Variants in NLGN1 observed in about 807,000 individuals in gnomAD.
NLGN1 encodes the protein neuroligin 1, also known as neuroligin-1.
A neutral mutation model predicts 65.5 loss-of-function variants in NLGN1; 12 were observed. That is an observed-to-expected ratio of 0.18 (90% CI 0.12 to 0.30). The LOEUF is 0.30. NLGN1 is among the 10% of genes least tolerant of loss of function. The pLI, the probability that NLGN1 is intolerant of heterozygous loss-of-function variation, is 1.00. For synonymous variants in NLGN1, 350 were observed against 359.5 expected, an observed-to-expected ratio of 0.97 and a Z score of 0.30; for missense variants, 750 against 1,007.1, an observed-to-expected ratio of 0.74 and a Z score of 3.46.
chr3:173,603,391 G>A (rs1447647828), intron 2 of NLGN1, among the ~76,000 whole-genome samples: 1 of 151,998 alleles, frequency 6.6e-6, no homozygotes, highest in Non-Finnish European at 1.5e-5. Flanking sequence ...AAGATGCTGT[G>A]ATTAGGTATG....
chr3:174,147,867 A>G (rs980307122), intron 4 of NLGN1, among the ~76,000 whole-genome samples: 1 of 152,216 alleles, frequency 6.6e-6, no homozygotes, highest in Non-Finnish European at 1.5e-5. Context: ...CAAACACTGC[A>G]TATGAATAAT....
At chr3:173,539,708 A>G (rs1738316375) in intron 2 of NLGN1, among the ~76,000 whole-genome samples, 1 of 137,278 alleles carries the variant, frequency 7.3e-6, no homozygotes, top group African/African-American at 2.8e-5. Flanking sequence ...GCACATATAT[A>G]CATATATGTA....
chr3:173,965,420 A>G (rs1579456351), intron 4 of NLGN1, among the ~76,000 whole-genome samples: 2 of 151,076 alleles, frequency 1.3e-5, no homozygotes, highest in East Asian at 2.0e-4. Context: ...CGGGTTCAAG[A>G]GATTCTCATG....
chr3:173,780,268 G>GTTTCTCTC (rs1468972714), intron 3 of NLGN1, among the ~76,000 whole-genome samples: 1 of 152,136 alleles, frequency 6.6e-6, no homozygotes, highest in Non-Finnish European at 1.5e-5. Flanking sequence ...TGATGCATAT[G>GTTTCTCTC]TTTCTCTCTG....
At chr3:174,241,200 T>G (rs1742737728) in intron 4 of NLGN1, among the ~76,000 whole-genome samples, 1 of 152,148 alleles carries the variant, frequency 6.6e-6, no homozygotes, top group African/African-American at 2.4e-5. Flanking sequence ...GCTAGGAAAT[T>G]TTATTATAAC....
At chr3:173,592,345 A>G (rs990682884) in intron 2 of NLGN1, among the ~76,000 whole-genome samples, 3 of 152,224 alleles carry the variant, frequency 2.0e-5, no homozygotes, top group Non-Finnish European at 4.4e-5. Context: ...TAGCAGAAAT[A>G]CTCAGTTTTG....
intron 3 of NLGN1, among the ~76,000 whole-genome samples, chr3:173,659,141 AT>A (rs1182768153): frequency 2.6e-5 from 4 of 151,986 alleles, no homozygotes; most frequent in Non-Finnish European, 5.9e-5. Context: ...CATTAGCATT[AT>A]TGAGAGCAAT....
intron 3 of NLGN1, among the ~76,000 whole-genome samples, chr3:173,697,558 G>A (rs184443732): frequency 4.7e-4 from 72 of 151,680 alleles, no homozygotes; most frequent in Non-Finnish European, 5.7e-4. Context: ...ACTGAGTTTC[G>A]CTCTTGTTGC....
intron 1 of NLGN1, among the ~76,000 whole-genome samples, chr3:173,421,138 T>A (rs1224924396): frequency 2.0e-5 from 3 of 152,148 alleles, no homozygotes; most frequent in Non-Finnish European, 4.4e-5. Context: ...CACTCTTGAT[T>A]TTCAGAATCA....
intron 2 of NLGN1, among the ~76,000 whole-genome samples, chr3:173,490,526 A>G (rs1090946): frequency 0.11 from 16,668 of 152,058 alleles, 992 homozygotes; most frequent in Admixed American, 0.18. Flanking sequence ...GTCAGGTAGC[A>G]TGATGCCTCC....
At chr3:173,959,359 C>G (rs376708805) in intron 4 of NLGN1, among the ~76,000 whole-genome samples, 166 of 152,312 alleles carry the variant, frequency 1.1e-3, no homozygotes, top group African/African-American at 3.8e-3. Context: ...AAACCAGAAG[C>G]AGGAAACACC....
In NLGN1 at chr3:174,276,453, G is replaced by A. The variant is rs1048480894; in HGVS notation, c.859+926G>A. 2.7e-5 allele frequency among the ~76,000 whole-genome samples: 4 copies of A among 150,768 alleles called. 1 individual carries two copies. The highest frequency in any genetic ancestry group is 3.9e-4 in the East Asian group (2 of 5,140). ...AGGAAGACAGATAATATATAAAAAC[G>A]TACACCATCTTTCTTTTAATTTCTG... On this transcript the variant is annotated intron_variant, in intron 5 of 6. Transcript: ENST00000457714.
chr3:173,746,782 G>A (rs904486852), intron 3 of NLGN1, among the ~76,000 whole-genome samples: 1 of 151,916 alleles, frequency 6.6e-6, no homozygotes, highest in Non-Finnish European at 1.5e-5. Context: ...TAGGCTGGGG[G>A]TGCTAATCTC....
intron 3 of NLGN1, among the ~76,000 whole-genome samples, chr3:173,692,558 T>C (rs1412452209): frequency 6.6e-6 from 1 of 152,102 alleles, no homozygotes. Flanking sequence ...AGATTGGACT[T>C]ATCTAATACC....
At chr3:174,208,262 T>A (rs1735803873) in intron 4 of NLGN1, among the ~76,000 whole-genome samples, 1 of 152,198 alleles carries the variant, frequency 6.6e-6, no homozygotes, top group South Asian at 2.1e-4. Context: ...TGAATTAGAT[T>A]AGGTCAAACT....
chr3:173,870,399 GT>G (rs757558960), intron 4 of NLGN1, among the ~76,000 whole-genome samples: 5 of 152,240 alleles, frequency 3.3e-5, no homozygotes, highest in African/African-American at 1.2e-4. Context: ...TACTTGCTCA[GT>G]TTGAGGCAGC....
chr3:173,490,099 A>G (rs886469567), intron 2 of NLGN1, among the ~76,000 whole-genome samples: 17 of 151,978 alleles, frequency 1.1e-4, no homozygotes, highest in African/African-American at 4.1e-4. Context: ...ATTTGATCCC[A>G]CTTGTCAATT....
chr3:174,255,680 A>G (rs1417208079), intron 4 of NLGN1, among the ~76,000 whole-genome samples: 3 of 115,336 alleles, frequency 2.6e-5, no homozygotes, highest in Non-Finnish European at 5.8e-5. Context: ...TATTTTTGAG[A>G]TAGGGTCTCA....
At chr3:173,838,646 C>CGAAT (rs1275773362) in intron 4 of NLGN1, among the ~76,000 whole-genome samples, 3 of 152,110 alleles carry the variant, frequency 2.0e-5, no homozygotes, top group South Asian at 4.2e-4. Flanking sequence ...AAAAAAATGT[C>CGAAT]GAATGAATGA....
Sources: gnomAD v4.1 joint callset for allele counts (sites outside exome capture counted in the v4.1 genomes callset) on GRCh38, gnomAD v4.1.1 for gene constraint, MANE v1.5 for transcripts, NCBI Gene and HGNC (gene_info 2026-07-23, HGNC 2026-07-21) for gene names.